SP3: variants seen among roughly 807,000 people sequenced by gnomAD.
The protein encoded by SP3 is Sp3 transcription factor.
Under a neutral mutation model 70.3 loss-of-function variants are expected in SP3, and 10 were observed. The ratio of observed to expected loss-of-function variants is 0.14; its 90% CI spans 0.09 to 0.24. The LOEUF is 0.24. Among genes scored for constraint, SP3 ranks in the 10% least tolerant of loss-of-function variants. SP3 has a pLI of 1.00. For synonymous variants in SP3, 402 were observed against 333.5 expected, an observed-to-expected ratio of 1.21 and a Z score of -2.24; for missense variants, 825 against 914.6, an observed-to-expected ratio of 0.90 and a Z score of 1.26.
chr2:173,914,149 GTTAT>G (rs1266869442), intron 5 of SP3: 3 of 134,026 alleles, frequency 2.2e-5, no homozygotes, highest in Admixed American at 8.0e-5. Context: ...TACAGAAAAT[GTTAT>G]TTCTCAACCT....
rs1055656312 is a variant in SP3, at chr2:173,906,084, CA to C, written c.*3856del. 6.6e-6 allele frequency among the ~76,000 whole-genome samples: 1 copy of C among 151,878 alleles called. No homozygotes were observed. The highest frequency in any genetic ancestry group is 1.9e-4 in the East Asian group (1 of 5,192). ...TTCCAAAAAGACTAGGAATCACTGA[CA>C]AAAAAAATTCTTCTCTTTTGCAATT... On this transcript the variant is annotated 3_prime_UTR_variant, in exon 7 of 7. Transcript: ENST00000310015.
chr2:173,951,760 C>T (rs1690717158), intron 4 of SP3, among the ~76,000 whole-genome samples: 1 of 152,212 alleles, frequency 6.6e-6, no homozygotes, highest in South Asian at 2.1e-4. Flanking sequence ...TCTGACACTA[C>T]CTGTAAACTT....
intron 6 of SP3, among the ~76,000 whole-genome samples, chr2:173,911,601 C>T (rs1177706393): frequency 6.6e-6 from 1 of 152,052 alleles, no homozygotes; most frequent in Non-Finnish European, 1.5e-5. Context: ...CCTCTTTGGC[C>T]CACTATTTCC....
At chr2:173,938,351 GGA>G (rs1487471999) in intron 4 of SP3, among the ~76,000 whole-genome samples, 2 of 151,198 alleles carry the variant, frequency 1.3e-5, no homozygotes, top group Non-Finnish European at 2.9e-5. Context: ...CAGCTACTCG[GGA>G]GAGGCTGAGG....
Position 173,964,432 on chromosome 2 carries a change from A to T in SP3, c.129T>A (p.Gly43=). The T allele has an allele frequency of 1.4e-6, 1 of 730,410 alleles. No homozygotes were observed. The highest frequency in any genetic ancestry group is 2.5e-6 in the Non-Finnish European group (1 of 398,428). The allele number at this position is 730,410 out of a possible 1,614,324, so 45.2% of individuals were successfully genotyped here. Residue 43 remains glycine, a synonymous_variant, in exon 2 of 7, where the codon GGT becomes GGA. Transcript: ENST00000310015. ...YLQQQQQHGN[G]AVAAAAAAQD... is the part of the protein sequence containing the mutation. The stretch of plus-strand genomic sequence containing the variant: ...GGGCCGCCGCTGCCGCCGCCACCGC[A>T]CCGTTTCCGTGCTGTTGCTGCTGCT...
intron 1 of SP3, 110 bp from the exon 2 acceptor site, chr2:173,964,663 TTC>T: frequency 2.8e-6 from 1 of 351,254 alleles, no homozygotes; most frequent in Non-Finnish European, 4.9e-6. Context: ...CCCAGGCCCC[TTC>T]CCCTCCCCCA....
chr2:173,902,116 G>A lies in SP3; in HGVS notation c.*7825C>T, dbSNP rs1392797320. ...GAGAGATAGAAGGTGGAACCAGTGAGAAAAACATGCATTGTTTCTGCTACA... is the reference window on the plus strand; with the variant it reads ...GAGAGATAGAAGGTGGAACCAGTGAAAAAAACATGCATTGTTTCTGCTACA... On this transcript the variant is annotated 3_prime_UTR_variant, in exon 7 of 7. Transcript: ENST00000310015. Among the ~76,000 whole-genome samples, 1 of 152,188 alleles carries A rather than the reference G, an allele frequency of 6.6e-6. No homozygotes were observed. Among genetic ancestry groups the A allele is most frequent in the Admixed American group, 6.5e-5 (1 of 15,286 alleles).
In SP3 at chr2:173,954,908, T is replaced by C. The variant is rs1395223142; in HGVS notation, c.1604A>G (p.Gln535Arg). The C allele has an allele frequency of 1.2e-6, 2 of 1,614,014 alleles. No homozygotes were observed. The highest frequency in any genetic ancestry group is 1.3e-5 in the African/African-American group (1 of 74,936). Residue 535 changes from glutamine to arginine, a missense_variant, in exon 4 of 7, where the codon CAG (glutamine) becomes CGG (arginine). Physicochemically the swap from Gln to Arg is conservative, Grantham distance 43. Coordinates refer to ENST00000310015, the MANE Select transcript of SP3 (RefSeq NM_003111.5). The stretch of plus-strand genomic sequence containing the variant: ...GTCAGCATTCTCTCCTGGATGTAGC[T>C]GTATACCAGCAGAATCTATAGAGTT... ...TVNSIDSAGIQLHPGENADSP... is the reference protein window; with the variant it reads ...TVNSIDSAGIRLHPGENADSP...
rs1691210709 is a variant in SP3 at position 173,964,415 on chromosome 2, G to A, written c.146C>T (p.Ala49Val). 4.1e-6 allele frequency: 3 copies of A among 725,796 alleles called. No homozygotes were observed. The highest frequency in any genetic ancestry group is 2.9e-5 in the South Asian group (2 of 69,142). The allele number at this position is 725,796 out of a possible 1,614,324, so 45.0% of individuals were successfully genotyped here. A position where few individuals can be genotyped will look rare whatever the true frequency, so the allele number is the denominator to read the frequency against. Residue 49 changes from alanine to valine, a missense_variant, in exon 2 of 7, where the codon GCG becomes GTG. This residue lies in a region of SP3 where 678 missense variants were observed against 651.6 expected (regional missense o/e 1.04). Transcript: ENST00000310015. ...QHGNGAVAAA[A>V]AAQDTQPSPL... is the part of the protein sequence containing the mutation. The stretch of plus-strand genomic sequence containing the variant: ...TCAGCCGCTCCTCACCTGGGCCGCC[G>A]CTGCCGCCGCCACCGCACCGTTTCC...
At chr2:173,959,990 C>A (rs893645465) in intron 3 of SP3, among the ~76,000 whole-genome samples, 4 of 151,992 alleles carry the variant, frequency 2.6e-5, no homozygotes, top group Admixed American at 2.6e-4. Context: ...GGCAACATGG[C>A]GAAGCCCCAT....
At chr2:173,913,298 A>T in intron 5 of SP3, 32 bp from the exon 6 acceptor site, 1 of 1,382,258 alleles carries the variant, frequency 7.2e-7, no homozygotes, top group Non-Finnish European at 9.6e-7. Flanking sequence ...ATATATACTT[A>T]TATGAAAATA....
At chr2:173,956,270 A>G (rs372158982) in intron 3 of SP3, 38 bp from the exon 4 acceptor site, 99 of 1,525,518 alleles carry the variant, frequency 6.5e-5, no homozygotes, top group Non-Finnish European at 8.4e-5. Context: ...TATTTGTGGT[A>G]TATTTAAATC....
At chr2:173,937,537 A>G (rs1418308865) in intron 4 of SP3, among the ~76,000 whole-genome samples, 1 of 152,174 alleles carries the variant, frequency 6.6e-6, no homozygotes, top group Non-Finnish European at 1.5e-5. Context: ...AACCAAAATT[A>G]AAGTCCAATC....
rs749765161 is a variant in SP3 at position 173,953,409 on chromosome 2, C to A, written c.1639+1464G>T. On this transcript the variant is annotated intron_variant, in intron 4 of 6. Coordinates refer to ENST00000310015, the MANE Select transcript of SP3 (RefSeq NM_003111.5). ...CTACTGTTCTAGGCCAGGAGCAGAG[C>A]GGTGGCTCACGCCTGTAATCCCAGC... 2.0e-5 allele frequency among the ~76,000 whole-genome samples: 3 copies of A among 152,274 alleles called. 1 individual carries two copies. Among genetic ancestry groups the A allele is most frequent in the Admixed American group, 6.5e-5 (1 of 15,294 alleles).
chr2:173,956,677 C>G (rs1409752040), intron 3 of SP3, among the ~76,000 whole-genome samples: 1 of 152,166 alleles, frequency 6.6e-6, no homozygotes, highest in African/African-American at 2.4e-5. Context: ...ATGAAATCTA[C>G]TCTTTTGTGG....
chr2:173,922,689 A>T (rs1255664003), intron 4 of SP3, among the ~76,000 whole-genome samples: 1 of 152,144 alleles, frequency 6.6e-6, no homozygotes, highest in Non-Finnish European at 1.5e-5. Context: ...TTCGGGAAGA[A>T]CTTAACTGTG....
intron 2 of SP3, 114 bp from the exon 3 acceptor site, chr2:173,963,997 A>G (rs1051969577): frequency 3.3e-6 from 2 of 614,570 alleles, no homozygotes; most frequent in Non-Finnish European, 5.0e-6. Context: ...GCGCCCGGGC[A>G]AGCGCCAGCC....
chr2:173,962,606 T>A (rs930922080), intron 3 of SP3, among the ~76,000 whole-genome samples: 1 of 151,982 alleles, frequency 6.6e-6, no homozygotes, highest in African/African-American at 2.4e-5. Flanking sequence ...GCACTAAAAT[T>A]ACAAATTATT....
rs115416589 is a variant in SP3, at chr2:173,911,398, C to T, written c.2030-1141G>A. ...AAAGGTCTCTCACTTCTTCTATTAACATACCACCATTTTTCTACTAAAGTA... is the reference window on the plus strand; with the variant it reads ...AAAGGTCTCTCACTTCTTCTATTAATATACCACCATTTTTCTACTAAAGTA... On this transcript the variant is annotated intron_variant, in intron 6 of 6. Coordinates refer to ENST00000310015, the MANE Select transcript of SP3 (RefSeq NM_003111.5). Among the ~76,000 whole-genome samples the T allele has an allele frequency of 8.2e-3, 1,242 of 152,306 alleles. 19 individuals carry two copies. Among genetic ancestry groups the T allele is most frequent in the African/African-American group, 0.028 (1,173 of 41,560 alleles).
Sources: gnomAD v4.1 joint callset for allele counts (sites outside exome capture counted in the v4.1 genomes callset) on GRCh38, gnomAD v4.1.1 for gene constraint, gnomAD v4.1.1 regional missense constraint, MANE v1.5 for transcripts, NCBI Gene and HGNC (gene_info 2026-07-23, HGNC 2026-07-21) for gene names.